The following SORCS1 variants were observed in gnomAD, a reference collection of about 807,000 sequenced individuals.
SORCS1 encodes VPS10 domain-containing receptor SorCS1.
In SORCS1, 60 loss-of-function variants were observed where a neutral mutation model predicts 146.1. The ratio of observed to expected loss-of-function variants is 0.41; its 90% CI spans 0.33 to 0.51. The LOEUF (loss-of-function observed/expected upper bound fraction) is 0.51. Ranked by LOEUF, SORCS1 falls within the 20% of genes least tolerant of loss-of-function variation. SORCS1 has a pLI of 0.21. For synonymous variants in SORCS1, 637 were observed against 584.0 expected (o/e 1.09, Z -1.31); for missense variants, 1,352 against 1,487.6 (o/e 0.91, Z 1.50).
chr10:106,990,772 C>T (rs1187656663), intron 1 of SORCS1, among the ~76,000 whole-genome samples: 1 of 152,130 alleles, frequency 6.6e-6, no homozygotes, highest in Admixed American at 6.5e-5. Flanking sequence ...AGGTCTACTT[C>T]TGAAAAATTG....
chr10:107,024,272 G>C (rs1463724798), intron 1 of SORCS1, among the ~76,000 whole-genome samples: 1 of 151,934 alleles, frequency 6.6e-6, no homozygotes, highest in Non-Finnish European at 1.5e-5. Context: ...TCTGGTAAGA[G>C]AATCAGGCTG....
intron 18 of SORCS1, among the ~76,000 whole-genome samples, chr10:106,643,572 G>A (rs1389765387): frequency 6.6e-6 from 1 of 152,256 alleles, no homozygotes; most frequent in Non-Finnish European, 1.5e-5. Flanking sequence ...AGAACAGAGT[G>A]TCAAGAAACC....
At chr10:106,830,528 C>A (rs1044379233) in intron 2 of SORCS1, among the ~76,000 whole-genome samples, 3 of 149,738 alleles carry the variant, frequency 2.0e-5, no homozygotes, top group Non-Finnish European at 4.4e-5. Context: ...CAGGTATTTT[C>A]GCCTAGGCCC....
intron 9 of SORCS1, among the ~76,000 whole-genome samples, chr10:106,698,437 T>A (rs1853875103): frequency 6.6e-6 from 1 of 152,238 alleles, no homozygotes; most frequent in Admixed American, 6.5e-5. Context: ...TGGCTTATTA[T>A]AACCTATTAT....
At chr10:106,926,850 CACACACACACACACACAGAGAG>C (rs1347926765) in intron 2 of SORCS1, among the ~76,000 whole-genome samples, 3,637 of 128,730 alleles carry the variant, frequency 0.028, 100 homozygotes, top group African/African-American at 0.09. Context: ...CACACACACA[CACACACACACACACACAGAGAG>C]AGAGAGAGAG....
intron 1 of SORCS1, among the ~76,000 whole-genome samples, chr10:107,041,681 T>C (rs1000031387): frequency 6.6e-6 from 1 of 152,166 alleles, no homozygotes; most frequent in Admixed American, 6.5e-5. Flanking sequence ...AGGCCCAGTA[T>C]GTAAATCCAG....
At chr10:106,805,071 A>G (rs1419689118) in intron 3 of SORCS1, among the ~76,000 whole-genome samples, 1 of 152,170 alleles carries the variant, frequency 6.6e-6, no homozygotes, top group Non-Finnish European at 1.5e-5. Context: ...CCTGAGCACT[A>G]CAGATTTATC....
At chr10:106,724,120 A>C (rs1855977846) in intron 6 of SORCS1, among the ~76,000 whole-genome samples, 1 of 152,210 alleles carries the variant, frequency 6.6e-6, no homozygotes, top group Non-Finnish European at 1.5e-5. Context: ...TGTGATTTCT[A>C]TTGCAACAAA....
intron 3 of SORCS1, among the ~76,000 whole-genome samples, chr10:106,809,767 T>G (rs1947367823): frequency 1.3e-5 from 2 of 152,222 alleles, no homozygotes; most frequent in South Asian, 4.1e-4. Context: ...TCTGTGTATT[T>G]GTGTCTGTCT....
chr10:106,686,889 G>A lies in SORCS1; in HGVS notation c.1560+1303C>T, dbSNP rs562881461. On this transcript the variant is annotated intron_variant, in intron 10 of 25. Transcript: ENST00000263054. ...TTTATGGGATGGAAGGAAGCAAGCTGAGTGCGGATAACATCAAAGTCAGAA... is the reference window on the plus strand; with the variant it reads ...TTTATGGGATGGAAGGAAGCAAGCTAAGTGCGGATAACATCAAAGTCAGAA... 2.0e-5 allele frequency among the ~76,000 whole-genome samples: 3 copies of A among 152,326 alleles called. No homozygotes were observed. In the East Asian group the frequency reaches 5.8e-4, roughly 29 times the overall value.
At chr10:107,108,693 A>G (rs1017703429) in intron 1 of SORCS1, among the ~76,000 whole-genome samples, 6 of 152,124 alleles carry the variant, frequency 3.9e-5, no homozygotes, top group African/African-American at 1.2e-4. Context: ...GCAAAATATG[A>G]TCATGCCTTC....
At chr10:107,153,496 C>T (rs922714070) in intron 1 of SORCS1, among the ~76,000 whole-genome samples, 3 of 152,162 alleles carry the variant, frequency 2.0e-5, no homozygotes, top group African/African-American at 7.2e-5. Context: ...GATATATAGT[C>T]AGGTTGGTGA....
At chr10:106,784,392 C>CA (rs149140867) in intron 3 of SORCS1, among the ~76,000 whole-genome samples, 1,510 of 102,120 alleles carry the variant, frequency 0.015, 20 homozygotes, top group African/African-American at 0.043. Flanking sequence ...GAGACTCCGT[C>CA]AAAAAAAAAA....
upstream of SORCS1, among the ~76,000 whole-genome samples, chr10:107,168,093 A>G (rs1222166821): frequency 6.6e-6 from 1 of 152,232 alleles, no homozygotes; most frequent in Non-Finnish European, 1.5e-5. Context: ...CACATTTGGC[A>G]GGATTCTCTA....
At chr10:107,019,122 C>T (rs902601872) in intron 1 of SORCS1, among the ~76,000 whole-genome samples, 6 of 152,154 alleles carry the variant, frequency 3.9e-5, no homozygotes, top group African/African-American at 1.2e-4. Context: ...AACTCCTAAG[C>T]ATCACATAAA....
chr10:106,675,165 A>G lies in SORCS1; in HGVS notation c.1833-9T>C. The G allele has an allele frequency of 6.3e-7, 1 of 1,595,956 alleles. No individual in the cohort carries two copies. The highest frequency in any genetic ancestry group is 1.7e-5 in the Admixed American group (1 of 59,536). On this transcript the variant is annotated splice_polypyrimidine_tract_variant and intron_variant, in intron 13 of 25. Transcript: ENST00000263054. ...CTTCATCAAAACTCAACCTAATGATATAAAAAATATCAGTCATCAGATCTC... is the reference window on the plus strand; with the variant it reads ...CTTCATCAAAACTCAACCTAATGATGTAAAAAATATCAGTCATCAGATCTC...
At chr10:107,173,392 A>C in the SORCS1 span, among the ~76,000 whole-genome samples, 1 of 152,246 alleles carries the variant, frequency 6.6e-6, no homozygotes, top group African/African-American at 2.4e-5. Flanking sequence ...TACCACACCA[A>C]AAAAAGTAGG....
intron 1 of SORCS1, 58 bp from the exon 2 acceptor site, chr10:106,956,638 G>A: frequency 6.8e-7 from 1 of 1,478,150 alleles, no homozygotes; most frequent in South Asian, 1.2e-5. Context: ...TCTTAGAACT[G>A]AAATGGCCCA....
chr10:106,690,843 C>T (rs1317312784), intron 9 of SORCS1, among the ~76,000 whole-genome samples: 1 of 152,158 alleles, frequency 6.6e-6, no homozygotes, highest in East Asian at 1.9e-4. Flanking sequence ...GTTCCTTTCA[C>T]TCTGAGCTTG....
Sources: allele counts gnomAD v4.1 joint callset (sites outside exome capture counted in the v4.1 genomes callset), GRCh38; gene constraint gnomAD v4.1.1; transcripts MANE v1.5; gene names NCBI Gene and HGNC (gene_info 2026-07-23, HGNC 2026-07-21).